NR3C1: variants seen among roughly 807,000 people sequenced by gnomAD.
NR3C1 encodes nuclear receptor subfamily 3 group C member 1.
NR3C1 carries 14 observed loss-of-function variants against 74.0 expected under a neutral mutation model. The ratio of observed to expected loss-of-function variants is 0.19; its 90% CI spans 0.12 to 0.30. NR3C1 has a LOEUF of 0.30. Among genes scored for constraint, NR3C1 ranks in the 10% least tolerant of loss-of-function variants. NR3C1 has a pLI of 1.00. For missense variants in NR3C1, 695 were observed against 909.8 expected (o/e 0.76, Z 3.04); for synonymous variants, 308 against 332.5 (o/e 0.93, Z 0.80).
At chr5:143,414,338 G>C (rs1487020514) in intron 1 of NR3C1, among the ~76,000 whole-genome samples, 6 of 152,252 alleles carry the variant, frequency 3.9e-5, no homozygotes, top group East Asian at 3.9e-4. Context: ...TGCTCCTTCT[G>C]TCTTGACAAG....
rs187117228 is a variant in NR3C1 at position 143,332,498 on chromosome 5, G to A, written c.1185-18330C>T. ...GTTGATAGGTACAGCAAACCACCAT[G>A]GCCACATGTTTACCTATGTAACCTG... On this transcript the variant is annotated intron_variant, in intron 2 of 8. Coordinates refer to ENST00000394464, the MANE Select transcript of NR3C1 (RefSeq NM_000176.3). 49 of 583,522 alleles carry A rather than the reference G, an allele frequency of 8.4e-5. No individual in the cohort carries two copies. In the East Asian group the frequency reaches 9.5e-4, roughly 11 times the overall value. 36.1% of individuals were successfully genotyped at this position (583,522 alleles called of 1,614,324 possible).
At chr5:143,356,090 A>C (rs1208761802) in intron 2 of NR3C1, among the ~76,000 whole-genome samples, 1 of 152,224 alleles carries the variant, frequency 6.6e-6, no homozygotes. Context: ...ATATTGCTCC[A>C]AAATATTCCA....
At position 143,374,220 on chromosome 5, in the gene NR3C1, T is replaced by C. The variant is rs184867162; in HGVS notation, c.1184+25436A>G. The stretch of plus-strand genomic sequence containing the variant: ...AACATAGTGAGTAAAGGGCCGGGTG[T>C]GGTGGCTCACGCCTGTAATCCCAGC... On this transcript the variant is annotated intron_variant, in intron 2 of 8. Transcript: ENST00000394464. Among the ~76,000 whole-genome samples the C allele has an allele frequency of 4.4e-3, 669 of 152,090 alleles. 2 individuals are homozygous for C. Among genetic ancestry groups the C allele is most frequent in the African/African-American group, 0.015 (637 of 41,492 alleles).
At chr5:143,380,397 C>A (rs767761246) in intron 2 of NR3C1, among the ~76,000 whole-genome samples, 5 of 151,934 alleles carry the variant, frequency 3.3e-5, no homozygotes, top group Non-Finnish European at 5.9e-5. Flanking sequence ...CATACAAAAA[C>A]CATTTTTTTT....
At chr5:143,390,283 T>C (rs1306501060) in intron 2 of NR3C1, among the ~76,000 whole-genome samples, 2 of 152,210 alleles carry the variant, frequency 1.3e-5, no homozygotes, top group Non-Finnish European at 2.9e-5. Flanking sequence ...TAATTTTATA[T>C]TGTAGCTATA....
intron 2 of NR3C1, among the ~76,000 whole-genome samples, chr5:143,348,970 G>A (rs952696803): frequency 6.6e-6 from 1 of 152,052 alleles, no homozygotes; most frequent in Non-Finnish European, 1.5e-5. Context: ...ATGCCAACCT[G>A]GTGAAATTTT....
chr5:143,298,634 T>C, intron 6 of NR3C1, 34 bp downstream of exon 6: 2 of 1,605,486 alleles, frequency 1.2e-6, no homozygotes, highest in Non-Finnish European at 8.5e-7. Context: ...AGATACCCTA[T>C]GAATACAGGG....
intron 2 of NR3C1, chr5:143,332,781 A>C: frequency 1.9e-6 from 3 of 1,577,148 alleles, no homozygotes; most frequent in Non-Finnish European, 2.6e-6. Context: ...ACGCATCGAA[A>C]GGATTGATGG....
Position 143,400,465 on chromosome 5 carries a change from G to C in NR3C1, c.375C>G (p.Ser125Arg). The C allele has an allele frequency of 6.2e-7, 1 of 1,614,196 alleles. No individual in the cohort carries two copies. The highest frequency in any genetic ancestry group is 1.1e-5 in the South Asian group (1 of 91,082). ...TGGTCGACCTATTGAGGTTTGCAAT[G>C]CTTTCTTCCAAAAGCTTTAAGTCTG... ...GETDLKLLEE[S>R]IANLNRSTSV... The change falls in exon 2 of 9, where the codon AGC becomes AGG. Residue 125 changes from serine to arginine, a missense_variant. Ser to Arg is a moderately radical substitution (Grantham distance 110). Around this residue, in one of 4 missense-constraint regions of NR3C1, gnomAD observed 497 missense variants for 489.5 expected, o/e 1.02. Transcript: ENST00000394464.
chr5:143,376,823 A>C (rs561034390), intron 2 of NR3C1, among the ~76,000 whole-genome samples: 73 of 152,184 alleles, frequency 4.8e-4, no homozygotes, highest in Non-Finnish European at 8.4e-4. Flanking sequence ...CTAGTTTTTA[A>C]TACTACTTTT....
Position 143,393,376 on chromosome 5 carries a change from A to C in NR3C1, c.1184+6280T>G, listed in dbSNP as rs145447652. Among the ~76,000 whole-genome samples the C allele has an allele frequency of 5.1e-4, 77 of 152,314 alleles. 2 individuals are homozygous for C. The East Asian group carries it at 0.015, about 29-fold the overall frequency. On this transcript the variant is annotated intron_variant, in intron 2 of 8. Coordinates refer to ENST00000394464, the MANE Select transcript of NR3C1 (RefSeq NM_000176.3). ...CACACACACAGGTGTTTTGAAAACA[A>C]TTCAAACACAGTTGTAAAGAAAGTA...
intron 2 of NR3C1, among the ~76,000 whole-genome samples, chr5:143,322,653 T>C (rs1206858639): frequency 1.3e-5 from 2 of 152,192 alleles, no homozygotes; most frequent in Admixed American, 6.5e-5. Context: ...TAAAAAGACA[T>C]TTATAAAAAC....
At chr5:143,323,050 T>G (rs1456442250) in intron 2 of NR3C1, among the ~76,000 whole-genome samples, 1 of 152,172 alleles carries the variant, frequency 6.6e-6, no homozygotes, top group African/African-American at 2.4e-5. Flanking sequence ...TTTGAAAACA[T>G]TAAGTGGAAA....
intron 2 of NR3C1, among the ~76,000 whole-genome samples, chr5:143,381,218 G>A (rs1373820618): frequency 6.6e-6 from 1 of 151,626 alleles, no homozygotes; most frequent in East Asian, 1.9e-4. Flanking sequence ...AAACACCTAG[G>A]AATAAACTCA....
intron 1 of NR3C1, among the ~76,000 whole-genome samples, chr5:143,421,339 A>G (rs891631099): frequency 3.3e-5 from 5 of 152,180 alleles, no homozygotes; most frequent in Non-Finnish European, 7.3e-5. Flanking sequence ...GAAGCAACAT[A>G]GTGATTAAGA....
At chr5:143,312,034 A>G (rs962118315) in intron 3 of NR3C1, among the ~76,000 whole-genome samples, 8 of 152,138 alleles carry the variant, frequency 5.3e-5, no homozygotes, top group African/African-American at 1.9e-4. Context: ...ACTACTTGGT[A>G]AATTCCCTTT....
At chr5:143,288,957 T>C (rs1815213514) in intron 7 of NR3C1, among the ~76,000 whole-genome samples, 1 of 150,908 alleles carries the variant, frequency 6.6e-6, no homozygotes, top group South Asian at 2.1e-4. Flanking sequence ...ATACAAAAAT[T>C]AGCCAAGCAT....
Position 143,333,291 on chromosome 5 carries a change from C to T in NR3C1, c.1185-19123G>A, listed in dbSNP as rs1484509449. ...GCCCTTGGGCTGACTTTTGATAGGC[C>T]ATGCCTTGCCACTTTACAAGTTCTT... On this transcript the variant is annotated intron_variant, in intron 2 of 8. Transcript: ENST00000394464. The T allele has an allele frequency of 1.2e-5, 9 of 742,076 alleles. No individual in the cohort carries two copies. In the Admixed American group the frequency reaches 1.7e-4, roughly 14 times the overall value. 46.0% of individuals were successfully genotyped at this position (742,076 alleles called of 1,614,324 possible).
chr5:143,319,168 C>T (rs1822799304), intron 2 of NR3C1, among the ~76,000 whole-genome samples: 1 of 152,124 alleles, frequency 6.6e-6, no homozygotes, highest in Non-Finnish European at 1.5e-5. Context: ...CCTAATTCTA[C>T]AATGTAATAG....
Sources: allele counts gnomAD v4.1 joint callset (sites outside exome capture counted in the v4.1 genomes callset), GRCh38; gene constraint gnomAD v4.1.1; regional missense constraint gnomAD v4.1.1; transcripts MANE v1.5; gene names NCBI Gene and HGNC (gene_info 2026-07-23, HGNC 2026-07-21).